The following KIAA1549L variants were observed in gnomAD, a reference collection of about 807,000 sequenced individuals.
The protein encoded by KIAA1549L is UPF0606 protein KIAA1549L.
Under a neutral mutation model 160.7 loss-of-function variants are expected in KIAA1549L, and 88 were observed. That is an observed-to-expected ratio of 0.55 (90% confidence interval 0.46 to 0.65). KIAA1549L has a LOEUF of 0.65. Ranked by LOEUF, KIAA1549L falls within the 30% of genes least tolerant of loss-of-function variation. KIAA1549L has a pLI of 0.00. For missense variants in KIAA1549L, 2,258 were observed against 2,437.5 expected, an observed-to-expected ratio of 0.93 and a Z score of 1.55; for synonymous variants, 950 against 976.7, an observed-to-expected ratio of 0.97 and a Z score of 0.51.
intron 17 of KIAA1549L, among the ~76,000 whole-genome samples, chr11:33,648,625 C>T (rs1333119079): frequency 3.2e-5 from 2 of 62,570 alleles, no homozygotes; most frequent in African/African-American, 1.1e-4. Flanking sequence ...GAAAAGGTTA[C>T]TGCTGGTGGC....
At chr11:33,453,187 C>A (rs1212126633) in intron 1 of KIAA1549L, among the ~76,000 whole-genome samples, 1 of 152,160 alleles carries the variant, frequency 6.6e-6, no homozygotes, top group African/African-American at 2.4e-5. Context: ...CTGAGAGTGT[C>A]AGTGAATTAC....
Position 33,543,029 on chromosome 11 carries a change from C to T in KIAA1549L, c.1466C>T (p.Ala489Val), listed in dbSNP as rs574933627. 4.3e-5 allele frequency: 70 copies of T among 1,613,906 alleles called. No individual in the cohort carries two copies. The South Asian group carries it at 5.1e-4, about 12-fold the overall frequency. Residue 489 changes from alanine to valine, a missense_variant, in exon 2 of 21, where the codon GCG (alanine) becomes GTG (valine). By Grantham distance (64) the Ala-to-Val change is moderately conservative. Coordinates refer to ENST00000658780, the MANE Select transcript of KIAA1549L (RefSeq NM_012194.3). ...LGQEQAILSG[A>V]VPASPSTGTA... ...CAAGAGCAAGCCATCCTTTCTGGGG[C>T]GGTTCCCGCATCACCATCAACTGGG...
intron 11 of KIAA1549L, among the ~76,000 whole-genome samples, chr11:33,584,250 A>G (rs58075684): frequency 0.015 from 2,252 of 152,310 alleles, 63 homozygotes; most frequent in African/African-American, 0.051. Flanking sequence ...TTTTGTTACA[A>G]CAGCCCGAAC....
In KIAA1549L at chr11:33,574,716, G is replaced by A; in HGVS notation, c.4245G>A (p.Gln1415=). 4 of 1,610,952 alleles carry A rather than the reference G, an allele frequency of 2.5e-6. No individual in the cohort carries two copies. Among genetic ancestry groups the A allele is most frequent in the Non-Finnish European group, 3.4e-6 (4 of 1,178,054 alleles). ...GSYTVQMVKM[Q]RVPGPKDPAE... ...TTTTCCGAAAGATGGTGAAGATGCA[G>A]CGTGTCCCAGGCCCGAAGGACCCAG... Residue 1415 remains glutamine, a synonymous_variant, in exon 10 of 21, where the codon CAG becomes CAA. Transcript: ENST00000658780.
intron 8 of KIAA1549L, 88 bp downstream of exon 8, chr11:33,561,823 G>A (rs1720390193): frequency 2.1e-6 from 2 of 969,804 alleles, no homozygotes; most frequent in East Asian, 4.8e-5. Flanking sequence ...AATAAGATTG[G>A]CACTTTTCTT....
intron 12 of KIAA1549L, among the ~76,000 whole-genome samples, chr11:33,596,323 A>G (rs564878398): frequency 6.6e-6 from 1 of 152,352 alleles, no homozygotes; most frequent in South Asian, 2.1e-4. Flanking sequence ...AGAAGCAAAG[A>G]GTAAAGCAGA....
At chr11:33,659,881 G>A (rs1274823655) in intron 19 of KIAA1549L, among the ~76,000 whole-genome samples, 1 of 152,190 alleles carries the variant, frequency 6.6e-6, no homozygotes, top group African/African-American at 2.4e-5. Flanking sequence ...TGACTGCGAG[G>A]GTGAGTGGGG....
intron 1 of KIAA1549L, among the ~76,000 whole-genome samples, chr11:33,488,185 A>G (rs73487019): frequency 0.017 from 2,541 of 152,300 alleles, 58 homozygotes; most frequent in African/African-American, 0.057. Flanking sequence ...TAGTGAGTCT[A>G]TGTTTGTAAT....
chr11:33,479,057 A>G, intron 1 of KIAA1549L, among the ~76,000 whole-genome samples: 1 of 151,566 alleles, frequency 6.6e-6, no homozygotes, highest in Non-Finnish European at 1.5e-5. Flanking sequence ...GAAGACATAT[A>G]TGGGATATAT....
chr11:33,437,784 T>C (rs1851410790), intron 1 of KIAA1549L, among the ~76,000 whole-genome samples: 1 of 152,214 alleles, frequency 6.6e-6, no homozygotes, highest in Admixed American at 6.5e-5. Flanking sequence ...CCTGACTATT[T>C]ACTAGGATTC....
At chr11:33,534,374 T>C (rs1853845350) in intron 1 of KIAA1549L, among the ~76,000 whole-genome samples, 2 of 152,144 alleles carry the variant, frequency 1.3e-5, no homozygotes, top group Non-Finnish European at 2.9e-5. Flanking sequence ...ATTACAGGCA[T>C]GAGCCACCGC....
Position 33,591,596 on chromosome 11 carries a change from G to A in KIAA1549L, c.4751+175G>A, listed in dbSNP as rs577104013. Reference sequence around the variant, plus strand: ...TGATGAGAATCACAATACCTGCCTAGCCTGGGCTACGCTTTGTAAGGTTTT... The same window carrying A: ...TGATGAGAATCACAATACCTGCCTAACCTGGGCTACGCTTTGTAAGGTTTT... On this transcript the variant is annotated intron_variant, in intron 12 of 20. Coordinates refer to ENST00000658780, the MANE Select transcript of KIAA1549L (RefSeq NM_012194.3). 1.4e-4 allele frequency among the ~76,000 whole-genome samples: 21 copies of A among 152,342 alleles called. No individual in the cohort carries two copies. In the South Asian group the frequency reaches 4.3e-3, roughly 32 times the overall value.
rs1477598790 is a variant in KIAA1549L, at chr11:33,544,462, C to G, written c.2773+126C>G. The G allele has an allele frequency of 4.8e-6, 5 of 1,037,744 alleles. No individual in the cohort carries two copies. The East Asian group carries it at 7.3e-5, about 15-fold the overall frequency. 64.3% of individuals were successfully genotyped at this position (1,037,744 alleles called of 1,614,324 possible). A position where few individuals can be genotyped will look rare whatever the true frequency, so the allele number is the denominator to read the frequency against. On this transcript the variant is annotated intron_variant, in intron 2 of 20. Transcript: ENST00000658780. Reference sequence around the variant, plus strand: ...TTTGCTCTGAAGGAGCTCATACCCCCGATCAGGAATGAGTTAGTAGCCCCA... The same window carrying G: ...TTTGCTCTGAAGGAGCTCATACCCCGGATCAGGAATGAGTTAGTAGCCCCA...
At chr11:33,588,637 A>G (rs1849950875) in intron 11 of KIAA1549L, among the ~76,000 whole-genome samples, 1 of 152,164 alleles carries the variant, frequency 6.6e-6, no homozygotes, top group African/African-American at 2.4e-5. Flanking sequence ...GGAGCAGGCA[A>G]TTCAGTATTT....
chr11:33,388,143 C>T (rs759265164), intron 1 of KIAA1549L, among the ~76,000 whole-genome samples: 5 of 152,164 alleles, frequency 3.3e-5, no homozygotes, highest in African/African-American at 7.2e-5. Context: ...CTGCCCGAGA[C>T]TGAGTAATTT....
rs545613046 is a variant in KIAA1549L, at chr11:33,544,823, C to T, written c.2830C>T (p.Leu944=). The T allele has an allele frequency of 6.2e-7, 1 of 1,612,342 alleles. No homozygotes were observed. The highest frequency in any genetic ancestry group is 2.2e-5 in the East Asian group (1 of 44,796). ...PTAAAAVTLF[L]RKSSPPALSA... is the part of the protein sequence containing the mutation. ...AGCAGCAGCTGCCGTCACATTGTTT[C>T]TGAGGAAATCAAGTCCACCTGCACT... is the stretch of plus-strand genomic sequence containing the variant. Residue 944 remains leucine, a synonymous_variant, in exon 3 of 21, where the codon CTG becomes TTG. Transcript: ENST00000658780.
intron 16 of KIAA1549L, among the ~76,000 whole-genome samples, chr11:33,628,857 G>T: frequency 6.6e-6 from 1 of 151,384 alleles, no homozygotes; most frequent in East Asian, 1.9e-4. Context: ...TTGCTTGTTA[G>T]TTCATGCAGT....
intron 1 of KIAA1549L, among the ~76,000 whole-genome samples, chr11:33,415,056 C>A (rs1850861035): frequency 6.6e-6 from 1 of 151,750 alleles, no homozygotes; most frequent in South Asian, 2.1e-4. Context: ...AATGACTCTT[C>A]CTTGGTGATT....
chr11:33,624,762 T>A lies in KIAA1549L; in HGVS notation c.5409+6100T>A, dbSNP rs569427141. ...TTTTTTTTTTAATTTTTGCTTTTTT[T>A]TTATTATTATTATACTTTAAGTTTT... On this transcript the variant is annotated intron_variant, in intron 16 of 20. Transcript: ENST00000658780. Among the ~76,000 whole-genome samples, 6 of 152,056 alleles carry A rather than the reference T, an allele frequency of 3.9e-5. No individual in the cohort carries two copies. The East Asian group carries it at 5.8e-4, about 15-fold the overall frequency.
Sources: gnomAD v4.1 joint callset for allele counts (sites outside exome capture counted in the v4.1 genomes callset) on GRCh38, gnomAD v4.1.1 for gene constraint, MANE v1.5 for transcripts, NCBI Gene and HGNC (gene_info 2026-07-23, HGNC 2026-07-21) for gene names.